The following PRKN variants were observed in gnomAD, a reference collection of about 807,000 sequenced individuals.
PRKN encodes parkin RBR E3 ubiquitin protein ligase, also known as E3 ubiquitin-protein ligase parkin.
Under a neutral mutation model 59.5 loss-of-function variants are expected in PRKN, and 56 were observed. The observed-to-expected ratio is 0.94, with a 90% CI of 0.76 to 1.18. PRKN has a LOEUF of 1.18. PRKN is among the 50% of genes most tolerant of loss of function. The pLI is 0.00. For synonymous variants in PRKN, 250 were observed against 222.1 expected (o/e 1.13, Z -1.12); for missense variants, 657 against 596.4 (o/e 1.10, Z -1.06).
intron 1 of PRKN, among the ~76,000 whole-genome samples, chr6:162,685,008 T>C (rs1396847236): frequency 6.6e-6 from 1 of 152,222 alleles, no homozygotes; most frequent in African/African-American, 2.4e-5. Context: ...AATTTATATA[T>C]ATTGCATCTA....
At chr6:161,850,071 C>T (rs1169206411) in intron 6 of PRKN, among the ~76,000 whole-genome samples, 1 of 152,004 alleles carries the variant, frequency 6.6e-6, no homozygotes, top group Non-Finnish European at 1.5e-5. Context: ...ATGGTGGGAG[C>T]CAGGGAAGCT....
At chr6:162,468,770 A>G (rs1360194009) in intron 1 of PRKN, among the ~76,000 whole-genome samples, 1 of 152,226 alleles carries the variant, frequency 6.6e-6, no homozygotes, top group Non-Finnish European at 1.5e-5. Flanking sequence ...AGAAGGGTGC[A>G]TAAGTCTTCC....
chr6:161,749,669 G>T (rs147131313), intron 7 of PRKN, among the ~76,000 whole-genome samples: 162 of 152,206 alleles, frequency 1.1e-3, no homozygotes, highest in African/African-American at 3.7e-3. Context: ...CTGAGAAGCT[G>T]TAATGAGCTG....
At chr6:162,579,612 CAG>C (rs1221057722) in intron 1 of PRKN, among the ~76,000 whole-genome samples, 1 of 150,718 alleles carries the variant, frequency 6.6e-6, no homozygotes, top group East Asian at 1.9e-4. Flanking sequence ...TTCACACACA[CAG>C]ATACACACAT....
intron 6 of PRKN, among the ~76,000 whole-genome samples, chr6:161,889,302 G>A (rs1443045366): frequency 6.6e-6 from 1 of 152,108 alleles, no homozygotes; most frequent in Non-Finnish European, 1.5e-5. Context: ...CACAAACACT[G>A]TATATGAATG....
intron 1 of PRKN, among the ~76,000 whole-genome samples, chr6:162,584,274 T>G (rs778613343): frequency 1.3e-4 from 20 of 151,536 alleles, no homozygotes; most frequent in Non-Finnish European, 2.2e-4. Flanking sequence ...TGACTATATT[T>G]ACATATGCCT....
intron 1 of PRKN, among the ~76,000 whole-genome samples, chr6:162,448,440 T>A (rs1257612607): frequency 6.8e-6 from 1 of 147,208 alleles, no homozygotes; most frequent in Non-Finnish European, 1.5e-5. Flanking sequence ...ACTTGAAGAC[T>A]GCTCTTGGTA....
intron 1 of PRKN, among the ~76,000 whole-genome samples, chr6:162,451,438 A>G (rs1790620430): frequency 6.6e-6 from 1 of 151,972 alleles, no homozygotes; most frequent in African/African-American, 2.4e-5. Flanking sequence ...GAAATTATAA[A>G]AAGGAATCAG....
rs10651778 is a variant in PRKN at position 161,850,574 on chromosome 6, C to CAAAA, written c.735-64670_735-64667dup. Among the ~76,000 whole-genome samples the CAAAA allele has an allele frequency of 9.7e-3, 849 of 87,908 alleles. 31 individuals are homozygous for CAAAA. Among genetic ancestry groups the CAAAA allele is most frequent in the Admixed American group, 0.038 (271 of 7,212 alleles). 57.7% of individuals were successfully genotyped at this position (87,908 alleles called of 152,430 possible). ...CTGGTGACAGAGCGAGACTACGTCT[C>CAAAA]AAAAAAAAAAAAAAAAAAAACTCTA... On this transcript the variant is annotated intron_variant, in intron 6 of 11. Transcript: ENST00000366898.
intron 8 of PRKN, among the ~76,000 whole-genome samples, chr6:161,556,477 C>T (rs76563617): frequency 0.019 from 2,920 of 152,192 alleles, 90 homozygotes; most frequent in African/African-American, 0.066. Flanking sequence ...AGCAAAGATC[C>T]TTACTAAGTT....
chr6:161,852,306 T>C (rs893805522), intron 6 of PRKN, among the ~76,000 whole-genome samples: 1 of 151,818 alleles, frequency 6.6e-6, no homozygotes, highest in Non-Finnish European at 1.5e-5. Flanking sequence ...AGAAACAAAA[T>C]GAGCCAGGTG....
chr6:162,301,080 A>G (rs1781925932), intron 2 of PRKN, among the ~76,000 whole-genome samples: 1 of 152,194 alleles, frequency 6.6e-6, no homozygotes, highest in Admixed American at 6.5e-5. Context: ...TTATAGAAGA[A>G]ATCGTTTAAT....
In PRKN at chr6:161,483,819, A is replaced by G. The variant is rs1791526687; in HGVS notation, c.1083+65035T>C. Among the ~76,000 whole-genome samples the G allele has an allele frequency of 6.6e-6, 1 of 152,220 alleles. No individual in the cohort carries two copies. Among genetic ancestry groups the G allele is most frequent in the Non-Finnish European group, 1.5e-5 (1 of 68,050 alleles). On this transcript the variant is annotated intron_variant, in intron 9 of 11. Transcript: ENST00000366898. This position sits in a 1 kb window ranked among gnomAD's most constrained non-coding sequence, Gnocchi z 5.0. ...AGACTGGATAAAGAAAATGTGGTCC[A>G]TATATATCATGGAATACTATGCAAC...
chr6:161,913,570 T>G (rs117727537), intron 6 of PRKN, among the ~76,000 whole-genome samples: 1 of 151,852 alleles, frequency 6.6e-6, no homozygotes, highest in African/African-American at 2.4e-5. Context: ...AGAATGGAGG[T>G]GATGTGAGGC....
At chr6:162,014,403 G>A (rs2128272314) in intron 5 of PRKN, among the ~76,000 whole-genome samples, 1 of 152,232 alleles carries the variant, frequency 6.6e-6, no homozygotes. Context: ...CCCTCTTCAG[G>A]CGCCTCTGCA....
rs1786986170 is a variant in PRKN, at chr6:161,400,587, T to C, written c.1084-13710A>G. On this transcript the variant is annotated intron_variant, in intron 9 of 11. Coordinates refer to ENST00000366898, the MANE Select transcript of PRKN (RefSeq NM_004562.3). This position sits in a 1 kb window ranked among gnomAD's most constrained non-coding sequence, Gnocchi z 4.2. Reference sequence around the variant, plus strand: ...CCTCAGCCTCCCAAAGTGCTGGGATTACAGGCATGAGCCACCACGCTCGGC... The same window carrying C: ...CCTCAGCCTCCCAAAGTGCTGGGATCACAGGCATGAGCCACCACGCTCGGC... 6.6e-6 allele frequency among the ~76,000 whole-genome samples: 1 copy of C among 152,120 alleles called. No homozygotes were observed. The highest frequency in any genetic ancestry group is 2.4e-5 in the African/African-American group (1 of 41,422).
At chr6:162,665,874 C>T (rs1202205568) in intron 1 of PRKN, among the ~76,000 whole-genome samples, 2 of 152,050 alleles carry the variant, frequency 1.3e-5, no homozygotes, top group Non-Finnish European at 2.9e-5. Context: ...AGAAATAACA[C>T]CACACATCTA....
chr6:161,986,752 C>A (rs529103757), intron 5 of PRKN, among the ~76,000 whole-genome samples: 1 of 148,226 alleles, frequency 6.7e-6, no homozygotes, highest in Non-Finnish European at 1.5e-5. Context: ...TTTGGAAAAT[C>A]CCCCCCACTC....
At chr6:161,418,166 A>G (rs986434882) in intron 9 of PRKN, among the ~76,000 whole-genome samples, 2 of 152,224 alleles carry the variant, frequency 1.3e-5, no homozygotes, top group Non-Finnish European at 1.5e-5. Flanking sequence ...CAGAATGGAG[A>G]GATTTACTTT....
Sources: allele counts gnomAD v4.1 joint callset (sites outside exome capture counted in the v4.1 genomes callset), GRCh38; gene constraint gnomAD v4.1.1; non-coding constraint Gnocchi (gnomAD v3.1); transcripts MANE v1.5; gene names NCBI Gene and HGNC (gene_info 2026-07-23, HGNC 2026-07-21).